The following C8orf74 variants were observed in gnomAD, a reference collection of about 807,000 sequenced individuals.
C8orf74 encodes chromosome 8 open reading frame 74, also known as uncharacterized protein C8orf74.
Under a neutral mutation model 22.2 loss-of-function variants are expected in C8orf74, and 29 were observed. The observed-to-expected ratio is 1.31, with a 90% confidence interval of 0.97 to 1.78. The LOEUF is 1.78. Among genes scored for constraint, C8orf74 ranks in the 40% most tolerant of loss-of-function variants. C8orf74 has a pLI of 0.00. For synonymous variants in C8orf74, 255 were observed against 163.1 expected (o/e 1.56, Z -4.30); for missense variants, 515 against 369.9 (o/e 1.39, Z -3.22).
chr8:10,674,136 C>T (rs1363211349), intron 1 of C8orf74, among the ~76,000 whole-genome samples: 1 of 144,772 alleles, frequency 6.9e-6, no homozygotes, highest in East Asian at 2.1e-4. Flanking sequence ...CATATCACAT[C>T]CCACAGACCA....
At position 10,697,607 on chromosome 8, in the gene C8orf74, A is replaced by G; in HGVS notation, c.250A>G (p.Ile84Val). 6.2e-7 allele frequency: 1 copy of G among 1,613,456 alleles called. No homozygotes were observed. The highest frequency in any genetic ancestry group is 2.2e-5 in the East Asian group (1 of 44,882). ...GGCCCCTGTGCCTACAGGCTGCTCC[A>G]TTACTGAGGCTGTGACGATCCTGGG... The part of the protein sequence containing the change: ...ELLRETKGCS[I>V]TEAVTILGNK... The change falls in exon 3 of 4, where the codon ATT becomes GTT. Residue 84 changes from isoleucine (I) to valine (V), a missense_variant. Coordinates refer to ENST00000304519, the MANE Select transcript of C8orf74 (RefSeq NM_001040032.2).
Position 10,674,724 on chromosome 8 carries a change from A to C in C8orf74, c.127A>C (p.Ile43Leu). 6.2e-7 allele frequency: 1 copy of C among 1,608,606 alleles called. No individual in the cohort carries two copies. The highest frequency in any genetic ancestry group is 8.5e-7 in the Non-Finnish European group (1 of 1,177,552). The change falls in exon 2 of 4, where the codon ATC becomes CTC. Residue 43 changes from isoleucine to leucine, a missense_variant. Transcript: ENST00000304519. ...FDEQRDSRRS[I>L]LLDTLYESII... ...CGAACAGAGAGACTCCCGGAGGAGC[A>C]TCCTGCTGGACACCCTCTACGAGAG...
chr8:10,679,218 A>G (rs1224865579), intron 2 of C8orf74, among the ~76,000 whole-genome samples: 1 of 152,132 alleles, frequency 6.6e-6, no homozygotes, highest in Non-Finnish European at 1.5e-5. Flanking sequence ...AACGGTGGTC[A>G]GCATAGAGGA....
At chr8:10,692,984 C>T (rs1354466884) in intron 2 of C8orf74, 1 of 152,276 alleles carries the variant, frequency 6.6e-6, no homozygotes, top group East Asian at 1.9e-4. Flanking sequence ...GTGATGAGTA[C>T]TCTGGAGAAA....
intron 2 of C8orf74, among the ~76,000 whole-genome samples, chr8:10,696,291 C>T (rs1045122599): frequency 2.0e-5 from 3 of 152,042 alleles, no homozygotes; most frequent in Admixed American, 1.3e-4. Context: ...GAGCACTGCC[C>T]TTGGTGCTGC....
At chr8:10,676,962 T>C (rs532652768) in intron 2 of C8orf74, among the ~76,000 whole-genome samples, 1 of 152,222 alleles carries the variant, frequency 6.6e-6, no homozygotes, top group South Asian at 2.1e-4. Context: ...TCGATGATGA[T>C]GCAAACCCAA....
intron 3 of C8orf74, among the ~76,000 whole-genome samples, chr8:10,699,193 C>T (rs554048586): frequency 6.6e-6 from 1 of 152,342 alleles, no homozygotes; most frequent in South Asian, 2.1e-4. Flanking sequence ...ACAGCTGTTC[C>T]TGCCTGCTCC....
chr8:10,681,083 T>C (rs1310579589), intron 2 of C8orf74, among the ~76,000 whole-genome samples: 3 of 149,952 alleles, frequency 2.0e-5, no homozygotes, highest in East Asian at 2.0e-4. Flanking sequence ...TGAAGGAGGG[T>C]CATGTTTGCA....
At chr8:10,682,492 C>T (rs978550004) in intron 2 of C8orf74, among the ~76,000 whole-genome samples, 2 of 152,200 alleles carry the variant, frequency 1.3e-5, no homozygotes, top group Admixed American at 6.5e-5. Flanking sequence ...GGACATCCGC[C>T]TTCTCCCCAC....
intron 2 of C8orf74, among the ~76,000 whole-genome samples, chr8:10,679,601 G>C (rs1042555736): frequency 6.6e-6 from 1 of 152,114 alleles, no homozygotes; most frequent in Non-Finnish European, 1.5e-5. Context: ...GCCTCTCCCC[G>C]TCCTTGGATC....
At chr8:10,688,858 A>C (rs188401275) in intron 2 of C8orf74, 5 of 152,370 alleles carry the variant, frequency 3.3e-5, no homozygotes, top group Admixed American at 2.6e-4. Flanking sequence ...AGGTGGGAAG[A>C]TCAACAGACC....
intron 2 of C8orf74, chr8:10,675,820 G>C (rs1453710314): frequency 1.3e-5 from 2 of 152,178 alleles, no homozygotes; most frequent in Non-Finnish European, 2.9e-5. Flanking sequence ...AATACTCGAA[G>C]GCCATAAGAG....
intron 2 of C8orf74, chr8:10,680,006 C>G (rs1799114726): frequency 6.5e-6 from 1 of 152,724 alleles, no homozygotes; most frequent in African/African-American, 2.4e-5. Context: ...CCCTCCGACC[C>G]CCCAGTGCTG....
At chr8:10,698,380 C>G (rs925954090) in intron 3 of C8orf74, among the ~76,000 whole-genome samples, 1 of 152,036 alleles carries the variant, frequency 6.6e-6, no homozygotes, top group Non-Finnish European at 1.5e-5. Context: ...GGAACTGCTG[C>G]AGATTATCCA....
chr8:10,694,787 G>A (rs900021155), intron 2 of C8orf74, among the ~76,000 whole-genome samples: 1 of 152,144 alleles, frequency 6.6e-6, no homozygotes, highest in Admixed American at 6.5e-5. Context: ...TGAATGGATG[G>A]GTGGATAGAT....
intron 1 of C8orf74, 69 bp downstream of exon 1, chr8:10,672,782 C>A: frequency 1.4e-6 from 2 of 1,404,580 alleles, no homozygotes; most frequent in East Asian, 2.5e-5. Context: ...GAGGTGGGCA[C>A]TGGAAGCGCC....
intron 2 of C8orf74, among the ~76,000 whole-genome samples, chr8:10,678,223 C>A (rs1381433458): frequency 6.6e-6 from 1 of 152,198 alleles, no homozygotes; most frequent in Non-Finnish European, 1.5e-5. Flanking sequence ...TAGGGCAAGT[C>A]TCATCCTTCT....
At chr8:10,699,648 T>C (rs540552855) in intron 3 of C8orf74, among the ~76,000 whole-genome samples, 36 of 152,292 alleles carry the variant, frequency 2.4e-4, no homozygotes, top group African/African-American at 8.2e-4. Context: ...GGGTGGACAG[T>C]GGCTGCATTT....
intron 2 of C8orf74, chr8:10,675,955 A>C (rs961457369): frequency 2.0e-4 from 31 of 152,146 alleles, no homozygotes; most frequent in African/African-American, 7.5e-4. Context: ...TGGAAACCAG[A>C]GTGTGGTCTG....
Sources: gnomAD v4.1 joint callset for allele counts (sites outside exome capture counted in the v4.1 genomes callset) on GRCh38, gnomAD v4.1.1 for gene constraint, MANE v1.5 for transcripts, NCBI Gene and HGNC (gene_info 2026-07-23, HGNC 2026-07-21) for gene names.